Variants in DPP6 observed in about 807,000 individuals in gnomAD.
DPP6 encodes A-type potassium channel modulatory protein DPP6.
In DPP6, 69 loss-of-function variants were observed where a neutral mutation model predicts 122.6. That is an observed-to-expected ratio of 0.56 (90% CI 0.46 to 0.69). DPP6 has a LOEUF of 0.69. Ranked by LOEUF, DPP6 falls within the 30% of genes least tolerant of loss-of-function variation. The pLI is 0.00. For synonymous variants in DPP6, 418 were observed against 433.1 expected (o/e 0.97, Z 0.43); for missense variants, 928 against 1,116.9 (o/e 0.83, Z 2.41).
intron 5 of DPP6, among the ~76,000 whole-genome samples, chr7:154,578,497 C>A (rs1320597778): frequency 7.5e-4 from 1 of 1,328 alleles, no homozygotes; most frequent in Non-Finnish European, 1.6e-3. Context: ...TAAGCAGGGG[C>A]TATTCGGGCT....
intron 1 of DPP6, among the ~76,000 whole-genome samples, chr7:153,901,687 A>G (rs1799644514): frequency 6.6e-6 from 1 of 152,222 alleles, no homozygotes; most frequent in South Asian, 2.1e-4. Flanking sequence ...ATGACAGAAG[A>G]CAGACCCTCG....
chr7:153,840,370 A>G, the DPP6 span, among the ~76,000 whole-genome samples: 1 of 152,174 alleles, frequency 6.6e-6, no homozygotes, highest in Admixed American at 6.5e-5. Context: ...TGTAATTTCT[A>G]GTAAAAATTC....
At chr7:153,865,922 G>A in the DPP6 span, among the ~76,000 whole-genome samples, 2 of 151,090 alleles carry the variant, frequency 1.3e-5, no homozygotes, top group East Asian at 2.0e-4. Context: ...TTGTCCTTGC[G>A]ATAGTTTGCT....
intron 16 of DPP6, chr7:154,838,291 C>G (rs1168030672): frequency 6.6e-6 from 1 of 152,200 alleles, no homozygotes; most frequent in Admixed American, 6.5e-5. Flanking sequence ...TGTTTTCAAA[C>G]TTGTTTTAAG....
chr7:154,793,453 T>C (rs1356056337), intron 10 of DPP6: 2 of 152,186 alleles, frequency 1.3e-5, no homozygotes, highest in African/African-American at 2.4e-5. Flanking sequence ...AGTTTCAGGT[T>C]TGGGCAGAAT....
intron 1 of DPP6, among the ~76,000 whole-genome samples, chr7:154,306,923 A>T (rs1189280529): frequency 6.6e-6 from 1 of 152,196 alleles, no homozygotes; most frequent in Non-Finnish European, 1.5e-5. Flanking sequence ...TCCACACTAA[A>T]TTAGCATTCT....
intron 1 of DPP6, among the ~76,000 whole-genome samples, chr7:153,934,340 C>CT (rs541968522): frequency 0.02 from 2,940 of 149,192 alleles, 45 homozygotes; most frequent in Non-Finnish European, 0.031. Context: ...GCCCCTTCTC[C>CT]TTTTTTTTTT....
intron 1 of DPP6, among the ~76,000 whole-genome samples, chr7:154,110,475 C>T (rs1255506249): frequency 3.9e-5 from 6 of 152,130 alleles, no homozygotes; most frequent in Non-Finnish European, 7.3e-5. Context: ...TATACAATAA[C>T]AGCCAGAGTT....
chr7:154,575,171 T>G (rs1419987108), intron 5 of DPP6, among the ~76,000 whole-genome samples: 3 of 100,510 alleles, frequency 3.0e-5, no homozygotes, highest in Admixed American at 1.1e-4. Flanking sequence ...TGTATGTGTG[T>G]GGGGGGGTAT....
At chr7:153,777,876 G>A in the DPP6 span, among the ~76,000 whole-genome samples, 1 of 146,092 alleles carries the variant, frequency 6.8e-6, no homozygotes, top group Non-Finnish European at 1.5e-5. Context: ...ATGAGGGTGA[G>A]TTTTAATCTA....
the DPP6 span, among the ~76,000 whole-genome samples, chr7:153,787,446 A>G: frequency 7.0e-6 from 1 of 142,464 alleles, no homozygotes; most frequent in Admixed American, 7.0e-5. Flanking sequence ...TTTCTTTAAT[A>G]ATTATACATT....
At chr7:154,717,976 T>C (rs183671282) in intron 7 of DPP6, among the ~76,000 whole-genome samples, 1 of 152,382 alleles carries the variant, frequency 6.6e-6, no homozygotes, top group East Asian at 1.9e-4. Flanking sequence ...TCATTGTTGT[T>C]TTCATTTGCA....
At chr7:154,586,665 T>A (rs139508006) in intron 5 of DPP6, among the ~76,000 whole-genome samples, 2,083 of 152,316 alleles carry the variant, frequency 0.014, 55 homozygotes, top group African/African-American at 0.048. Flanking sequence ...ATTAGCCTGA[T>A]TTGTCTAAGC....
chr7:154,019,650 C>T (rs1226583265), intron 1 of DPP6, among the ~76,000 whole-genome samples: 1 of 152,212 alleles, frequency 6.6e-6, no homozygotes, highest in Non-Finnish European at 1.5e-5. Context: ...ATTCCCTCTT[C>T]AGTGAACATA....
At chr7:153,753,059 G>T in the DPP6 span, among the ~76,000 whole-genome samples, 1 of 152,092 alleles carries the variant, frequency 6.6e-6, no homozygotes, top group East Asian at 1.9e-4. Flanking sequence ...TATAATTTGA[G>T]ACCCCATTTT....
At chr7:154,655,852 T>C (rs937307771) in intron 6 of DPP6, among the ~76,000 whole-genome samples, 1 of 152,186 alleles carries the variant, frequency 6.6e-6, no homozygotes, top group Non-Finnish European at 1.5e-5. Flanking sequence ...CTTTGTCCCT[T>C]CAGGCTTTGA....
intron 7 of DPP6, among the ~76,000 whole-genome samples, chr7:154,714,290 C>T (rs1291743398): frequency 6.6e-6 from 1 of 152,224 alleles, no homozygotes; most frequent in Non-Finnish European, 1.5e-5. Context: ...GTTCCAACCT[C>T]TGCCTGTTAC....
intron 1 of DPP6, among the ~76,000 whole-genome samples, chr7:154,141,943 C>T (rs1322473675): frequency 6.6e-6 from 1 of 152,108 alleles, no homozygotes; most frequent in Non-Finnish European, 1.5e-5. Flanking sequence ...TCAGTTAATG[C>T]TAGTTCCTTG....
chr7:154,265,786 A>G (rs1803382186), intron 1 of DPP6, among the ~76,000 whole-genome samples: 1 of 152,226 alleles, frequency 6.6e-6, no homozygotes, highest in Non-Finnish European at 1.5e-5. Context: ...TTAAAAAAAT[A>G]TACAAGTGAG....
Sources: allele counts gnomAD v4.1 joint callset (sites outside exome capture counted in the v4.1 genomes callset), GRCh38; gene constraint gnomAD v4.1.1; transcripts MANE v1.5; gene names NCBI Gene and HGNC (gene_info 2026-07-23, HGNC 2026-07-21).